MTERF3: variants seen among roughly 807,000 people sequenced by gnomAD.
MTERF3 encodes the protein mitochondrial transcription termination factor 3, also known as transcription termination factor 3, mitochondrial.
Under a neutral mutation model 40.5 loss-of-function variants are expected in MTERF3, and 40 were observed. The ratio of observed to expected loss-of-function variants is 0.99; its 90% CI spans 0.77 to 1.29. The LOEUF (loss-of-function observed/expected upper bound fraction) is 1.29, where lower values mean the gene tolerates loss of function less well. Ranked by LOEUF, MTERF3 falls within the 50% of genes most tolerant of loss-of-function variation. The pLI, the probability that MTERF3 is intolerant of heterozygous loss-of-function variation, is 0.00. For missense variants in MTERF3, 452 were observed against 478.2 expected, an observed-to-expected ratio of 0.95 and a Z score of 0.51; for synonymous variants, 158 against 166.6, an observed-to-expected ratio of 0.95 and a Z score of 0.40.
intron 3 of MTERF3, among the ~76,000 whole-genome samples, chr8:96,252,450 C>G (rs1002246741): frequency 6.6e-6 from 1 of 152,032 alleles, no homozygotes; most frequent in African/African-American, 2.4e-5. Context: ...AAAAAAATTA[C>G]GTTTAACTAC....
At chr8:96,255,924 A>C (rs1225440458) in intron 3 of MTERF3, among the ~76,000 whole-genome samples, 1 of 152,140 alleles carries the variant, frequency 6.6e-6, no homozygotes, top group Non-Finnish European at 1.5e-5. Flanking sequence ...ACCACAAAAA[A>C]CTCAAAAGTC....
chr8:96,250,671 GAAGAAGAAGAA>G (rs1810153663), intron 4 of MTERF3, among the ~76,000 whole-genome samples: 2 of 42,248 alleles, frequency 4.7e-5, no homozygotes, highest in African/African-American at 2.1e-4. Flanking sequence ...AGAAGAAGAA[GAAGAAGAAGAA>G]GGAGGAGGAG....
chr8:96,246,190 A>C, intron 5 of MTERF3, 117 bp downstream of exon 5: 2 of 1,052,336 alleles, frequency 1.9e-6, no homozygotes, highest in Non-Finnish European at 1.3e-6. Flanking sequence ...TTTTGTACAA[A>C]AAATACCAGG....
chr8:96,252,189 CG>C (rs1425611058), intron 3 of MTERF3, among the ~76,000 whole-genome samples: 8 of 152,258 alleles, frequency 5.3e-5, no homozygotes, highest in African/African-American at 1.7e-4. Flanking sequence ...TGCCCAGTCT[CG>C]GGTATGTCTT....
At chr8:96,240,064 A>G (rs752138321) in intron 7 of MTERF3, among the ~76,000 whole-genome samples, 8 of 152,172 alleles carry the variant, frequency 5.3e-5, no homozygotes, top group African/African-American at 1.7e-4. Flanking sequence ...CCTGGCCAAC[A>G]TGGCAAAACC....
chr8:96,250,630 A>AAGC (rs1810138999), intron 4 of MTERF3, among the ~76,000 whole-genome samples: 1 of 23,084 alleles, frequency 4.3e-5, no homozygotes, highest in Non-Finnish European at 1.0e-4. Flanking sequence ...GAAGAAGAAG[A>AAGC]AGAAGAAGAA....
chr8:96,256,964 A>G lies in MTERF3; in HGVS notation c.485T>C (p.Leu162Pro), dbSNP rs200757367. The part of the protein sequence containing the change: ...HSETLQKLVL[L>P]GVDLSKIEKH... ...ACTTGTAGTTTAGTCAAACTTACCT[A>G]GAAGAACCAACTTCTGCAGAGTCTC... is the stretch of plus-strand genomic sequence containing the variant. The change falls in exon 3 of 8, where the codon CTA becomes CCA. Residue 162 changes from leucine to proline, a missense_variant and splice_region_variant. Leu to Pro is a moderately conservative substitution (Grantham distance 98). Transcript: ENST00000287025. The G allele has an allele frequency of 2.7e-4, 431 of 1,598,420 alleles. No homozygotes were observed. Among genetic ancestry groups the G allele is most frequent in the Non-Finnish European group, 3.4e-4 (401 of 1,175,958 alleles).
intron 4 of MTERF3, among the ~76,000 whole-genome samples, chr8:96,248,733 T>C (rs1438331117): frequency 1.3e-5 from 2 of 152,076 alleles, no homozygotes; most frequent in Non-Finnish European, 2.9e-5. Flanking sequence ...AAAAAAAGAG[T>C]ATTTAAATAA....
At chr8:96,250,240 AACAAAAATTGGCCAG>A (rs1437261453) in intron 4 of MTERF3, among the ~76,000 whole-genome samples, 2 of 152,062 alleles carry the variant, frequency 1.3e-5, no homozygotes, top group Non-Finnish European at 2.9e-5. Context: ...AATGTCTAAC[AACAAAAATTGGCCAG>A]ACAAAAACTA....
At chr8:96,243,217 C>T (rs1172366779) in intron 7 of MTERF3, among the ~76,000 whole-genome samples, 2 of 152,100 alleles carry the variant, frequency 1.3e-5, no homozygotes, top group Non-Finnish European at 1.5e-5. Context: ...AGAGGGATCA[C>T]TTAAATAAAA....
At chr8:96,253,015 GAAT>G (rs1488485878) in intron 3 of MTERF3, among the ~76,000 whole-genome samples, 3 of 152,254 alleles carry the variant, frequency 2.0e-5, no homozygotes, top group Non-Finnish European at 2.9e-5. Context: ...TATAAAAAAA[GAAT>G]AATACACGAT....
intron 4 of MTERF3, among the ~76,000 whole-genome samples, chr8:96,250,189 T>G (rs1168547194): frequency 6.6e-6 from 1 of 152,050 alleles, no homozygotes; most frequent in Admixed American, 6.5e-5. Flanking sequence ...CTTACGGAAA[T>G]GATTAAGCAA....
chr8:96,247,009 G>C (rs1456438231), intron 4 of MTERF3, among the ~76,000 whole-genome samples: 1 of 152,030 alleles, frequency 6.6e-6, no homozygotes, highest in Admixed American at 6.6e-5. Flanking sequence ...GTCCCGCTCT[G>C]TTGCCCAGGC....
chr8:96,255,266 T>G (rs975059934), intron 3 of MTERF3, among the ~76,000 whole-genome samples: 1 of 151,992 alleles, frequency 6.6e-6, no homozygotes, highest in Non-Finnish European at 1.5e-5. Context: ...GTGGATGGAT[T>G]TGAAAGAAAT....
intron 3 of MTERF3, among the ~76,000 whole-genome samples, chr8:96,254,797 AAACATATGGGT>A (rs1319203691): frequency 2.0e-5 from 3 of 152,202 alleles, no homozygotes; most frequent in Non-Finnish European, 2.9e-5. Flanking sequence ...AGGCCATTCT[AAACATATGGGT>A]AACATATGGG....
chr8:96,261,345 C>A (rs911011042), intron 1 of MTERF3, among the ~76,000 whole-genome samples, 156 bp downstream of exon 1: 23 of 152,240 alleles, frequency 1.5e-4, no homozygotes, highest in Non-Finnish European at 3.1e-4. Flanking sequence ...ACTACATCAG[C>A]CAGGGAAAAA....
At chr8:96,256,624 A>T (rs1586172925) in intron 3 of MTERF3, among the ~76,000 whole-genome samples, 1 of 152,218 alleles carries the variant, frequency 6.6e-6, no homozygotes, top group African/African-American at 2.4e-5. Context: ...AGGAGAATTG[A>T]AAAGAATACA....
rs961822576 is a variant in MTERF3, at chr8:96,258,545, G to T, written c.146C>A (p.Ser49Tyr). 10 of 1,614,204 alleles carry T rather than the reference G, an allele frequency of 6.2e-6. No individual in the cohort carries two copies. Among genetic ancestry groups the T allele is most frequent in the Non-Finnish European group, 8.5e-6 (10 of 1,180,024 alleles). Residue 49 changes from serine (S) to tyrosine (Y), a missense_variant, in exon 2 of 8, where the codon TCT becomes TAT. Ser to Tyr is a moderately radical substitution (Grantham distance 144, BLOSUM62 -2). Transcript: ENST00000287025. Reference protein sequence around the residue: ...HGFSAQPQISSDNCFLQWGFK... With the variant: ...HGFSAQPQISYDNCFLQWGFK... ...TCCCCACTGGAGAAAGCAATTGTCA[G>T]AGGATATCTGAGGCTGAGCAGAAAA...
At chr8:96,250,836 A>G (rs922277856) in intron 4 of MTERF3, 70 bp downstream of exon 4, 1 of 1,435,772 alleles carries the variant, frequency 7.0e-7, no homozygotes, top group African/African-American at 1.5e-5. Context: ...AGATTTAAAG[A>G]ATACCTTCCA....
Sources: gnomAD v4.1 joint callset for allele counts (sites outside exome capture counted in the v4.1 genomes callset) on GRCh38, gnomAD v4.1.1 for gene constraint, MANE v1.5 for transcripts, NCBI Gene and HGNC (gene_info 2026-07-23, HGNC 2026-07-21) for gene names.